Variants in ANOS1 observed in about 807,000 individuals in gnomAD.
ANOS1 encodes the protein anosmin 1, also known as anosmin-1.
Under a neutral mutation model 59.0 loss-of-function variants are expected in ANOS1, and 6 were observed. The ratio of observed to expected loss-of-function variants is 0.10; its 90% confidence interval spans 0.06 to 0.20. ANOS1 has a LOEUF of 0.20. Ranked by LOEUF, ANOS1 falls within the 10% of genes least tolerant of loss-of-function variation. The pLI, the probability that ANOS1 is intolerant of heterozygous loss-of-function variation, is 1.00. For missense variants in ANOS1, 433 were observed against 542.3 expected (o/e 0.80, Z 2.00); for synonymous variants, 217 against 223.4 (o/e 0.97, Z 0.25).
intron 8 of ANOS1, among the ~76,000 whole-genome samples, chrX:8,560,605 G>A (rs1013725604): frequency 9.8e-5 from 11 of 112,473 alleles, no homozygotes. Context: ...GCCATAGTTT[G>A]CAGACCCCTG....
chrX:8,534,429 C>T lies in ANOS1; in HGVS notation c.1874G>A (p.Arg625Lys), dbSNP rs1487437845. 1 of 1,210,266 alleles carries T rather than the reference C, an allele frequency of 8.3e-7. No homozygotes were observed. The highest frequency in any genetic ancestry group is 2.2e-5 in the Admixed American group (1 of 45,940). Residue 625 changes from arginine to lysine, a missense_variant, in exon 13 of 14, where the codon AGA becomes AAA. Transcript: ENST00000262648. ...TTCCAGTCGGTAAAGAGTAGATGGT[C>T]TCAGATTGGGCACTGTTAGGACATA... ...DHYVLTVPNL[R>K]PSTLYRLEVQ...
At chrX:8,573,782 G>A (rs890268791) in intron 6 of ANOS1, among the ~76,000 whole-genome samples, 14 of 111,164 alleles carry the variant, frequency 1.3e-4, no homozygotes, top group African/African-American at 4.3e-4. Context: ...CAGTACATGG[G>A]AATTGCTCTT....
intron 9 of ANOS1, among the ~76,000 whole-genome samples, chrX:8,541,934 C>G (rs1320488349): frequency 5.3e-5 from 4 of 75,164 alleles, no homozygotes; most frequent in Non-Finnish European, 1.0e-4. Flanking sequence ...TACAAGGAGG[C>G]TTGGCTGCCC....
At chrX:8,642,125 T>A (rs1382594477) in intron 2 of ANOS1, among the ~76,000 whole-genome samples, 1 of 111,703 alleles carries the variant, frequency 9.0e-6, no homozygotes, top group African/African-American at 3.3e-5. Flanking sequence ...TACTGACGAA[T>A]GAATGAATAA....
chrX:8,579,223 G>T (rs1468777176), intron 6 of ANOS1, among the ~76,000 whole-genome samples: 1 of 112,064 alleles, frequency 8.9e-6, no homozygotes, highest in Non-Finnish European at 1.9e-5. Context: ...GGAACCCAAA[G>T]GTGTTTTTAT....
At chrX:8,706,569 C>T (rs144210798) in intron 1 of ANOS1, among the ~76,000 whole-genome samples, 1,255 of 112,031 alleles carry the variant, frequency 0.011, 23 homozygotes, top group African/African-American at 0.039. Flanking sequence ...GATGTGCCAA[C>T]GTAGGTTCAT....
chrX:8,646,166 T>C (rs1269243666), intron 2 of ANOS1, among the ~76,000 whole-genome samples: 1 of 111,571 alleles, frequency 9.0e-6, no homozygotes, highest in Non-Finnish European at 1.9e-5. Context: ...GCAATAAACA[T>C]AGGACAGTCA....
In ANOS1 at chrX:8,530,731, T is replaced by G. The variant is rs1929484727; in HGVS notation, c.*2264A>C. 1 of 110,050 alleles carries G rather than the reference T, an allele frequency of 9.1e-6. No individual in the cohort carries two copies. The highest frequency in any genetic ancestry group is 3.8e-4 in the South Asian group (1 of 2,624). The allele number at this position is 110,050 out of a possible 1,213,427, so 9.1% of individuals were successfully genotyped here. ...TATAAAATTAAATTTATGTAATAATTTAATAATATTTTGTATCTATGCAGA... is the reference window on the plus strand; with the variant it reads ...TATAAAATTAAATTTATGTAATAATGTAATAATATTTTGTATCTATGCAGA... On this transcript the variant is annotated 3_prime_UTR_variant, in exon 14 of 14. Transcript: ENST00000262648.
chrX:8,587,128 GTGT>G (rs1263970612), intron 5 of ANOS1, among the ~76,000 whole-genome samples: 2 of 102,938 alleles, frequency 1.9e-5, no homozygotes, highest in African/African-American at 7.0e-5. Flanking sequence ...GTTTGTGTGT[GTGT>G]GTGGGGGGGT....
rs1232364586 is a variant in ANOS1 at position 8,610,033 on chromosome X, AAACAAC to A, written c.319-12783_319-12778del. On this transcript the variant is annotated intron_variant, in intron 3 of 13. Transcript: ENST00000262648. ...AAAAAAAAAAAAAAAAAAAAAAAAA[AAACAAC>A]AACCTTTAAAGAGCACCCATTTTTC... 3.0e-3 allele frequency among the ~76,000 whole-genome samples: 248 copies of A among 82,703 alleles called. 26 individuals carry two copies. The highest frequency in any genetic ancestry group is 6.8e-3 in the Middle Eastern group (1 of 147). The allele number at this position is 82,703 out of a possible 115,157, so 71.8% of individuals were successfully genotyped here. A position where few individuals can be genotyped will look rare whatever the true frequency, so the allele number is the denominator to read the frequency against.
intron 3 of ANOS1, among the ~76,000 whole-genome samples, chrX:8,618,841 G>A (rs1931221996): frequency 9.0e-6 from 1 of 110,646 alleles, no homozygotes; most frequent in Non-Finnish European, 1.9e-5. Context: ...GAAGGCTGAG[G>A]TGGGCGGATC....
At chrX:8,667,120 T>C (rs1341441537) in intron 2 of ANOS1, among the ~76,000 whole-genome samples, 1 of 111,689 alleles carries the variant, frequency 9.0e-6, no homozygotes, top group East Asian at 2.8e-4. Flanking sequence ...CACCCAAGGC[T>C]GTCCCATCAG....
chrX:8,535,901 T>C (rs1355100912), intron 11 of ANOS1, 90 bp from the exon 12 acceptor site: 9 of 673,332 alleles, frequency 1.3e-5, no homozygotes, highest in African/African-American at 2.1e-5. Context: ...GCGGCCAGTC[T>C]ATGGGATGAT....
intron 1 of ANOS1, among the ~76,000 whole-genome samples, chrX:8,727,618 A>G (rs763792069): frequency 1.8e-5 from 2 of 112,348 alleles, no homozygotes; most frequent in Non-Finnish European, 3.8e-5. Flanking sequence ...TGTGCCAGGC[A>G]AGAGTACAAT....
At position 8,534,514 on chromosome X, in the gene ANOS1, T is replaced by A. The variant is rs1039640833; in HGVS notation, c.1843-54A>T. 6 of 1,135,588 alleles carry A rather than the reference T, an allele frequency of 5.3e-6. No homozygotes were observed. The African/African-American group carries it at 7.2e-5, about 14-fold the overall frequency. The allele number at this position is 1,135,588 out of a possible 1,213,427, so 93.6% of individuals were successfully genotyped here. ...CACCGACAACCTTTCAGAGACAACATGCAATGCACAGAGAGCCTAGAACAG... is the reference window on the plus strand; with the variant it reads ...CACCGACAACCTTTCAGAGACAACAAGCAATGCACAGAGAGCCTAGAACAG... On this transcript the variant is annotated intron_variant, in intron 12 of 13. Transcript: ENST00000262648.
intron 2 of ANOS1, among the ~76,000 whole-genome samples, chrX:8,668,261 T>G (rs937151765): frequency 4.7e-5 from 5 of 107,082 alleles, no homozygotes; most frequent in Non-Finnish European, 9.6e-5. Flanking sequence ...TAGCTCCCAC[T>G]TAGGAGTGAG....
At chrX:8,702,058 G>T (rs5978946) in intron 1 of ANOS1, among the ~76,000 whole-genome samples, 56,625 of 109,604 alleles carry the variant, frequency 0.52, 11,456 homozygotes, top group African/African-American at 0.74. Flanking sequence ...CTTAGGATTT[G>T]AGCCAATCTC....
At position 8,568,312 on chromosome X, in the gene ANOS1, G is replaced by T. The variant is rs1233899957; in HGVS notation, c.1127C>A (p.Ala376Asp). 1 of 1,206,707 alleles carries T rather than the reference G, an allele frequency of 8.3e-7. No homozygotes were observed. The highest frequency in any genetic ancestry group is 1.1e-6 in the Non-Finnish European group (1 of 892,720). ...PDCDYVVELQAITYWGQTRLK... is the reference protein window; with the variant it reads ...PDCDYVVELQDITYWGQTRLK... ...CCGTGTCTGTCCCCAGTACGTTATG[G>T]CTTGCAATTCCACAACATAGTCACA... Residue 376 changes from alanine to aspartate, a missense_variant, in exon 8 of 14, where the codon GCC becomes GAC. Coordinates refer to ENST00000262648, the MANE Select transcript of ANOS1 (RefSeq NM_000216.4).
At chrX:8,712,736 G>C (rs1040672997) in intron 1 of ANOS1, among the ~76,000 whole-genome samples, 8 of 112,178 alleles carry the variant, frequency 7.1e-5, no homozygotes, top group Non-Finnish European at 1.3e-4. Flanking sequence ...TGTATCATAA[G>C]AAGGCATTTG....
Sources: allele counts gnomAD v4.1 joint callset (sites outside exome capture counted in the v4.1 genomes callset), GRCh38; gene constraint gnomAD v4.1.1; transcripts MANE v1.5; gene names NCBI Gene and HGNC (gene_info 2026-07-23, HGNC 2026-07-21).